ATP11B: variants seen among roughly 807,000 people sequenced by gnomAD.
ATP11B encodes the protein ATPase phospholipid transporting 11B (putative).
Under a neutral mutation model 157.8 loss-of-function variants are expected in ATP11B, and 81 were observed. The ratio of observed to expected loss-of-function variants is 0.51; its 90% CI spans 0.43 to 0.62. The LOEUF is 0.62. ATP11B is among the 20% of genes least tolerant of loss of function. ATP11B has a pLI of 0.00. For missense variants in ATP11B, 1,165 were observed against 1,402.2 expected, an observed-to-expected ratio of 0.83 and a Z score of 2.70; for synonymous variants, 451 against 469.4, an observed-to-expected ratio of 0.96 and a Z score of 0.51.
chr3:182,906,588 T>A (rs1004365181), intron 28 of ATP11B, among the ~76,000 whole-genome samples: 1 of 152,092 alleles, frequency 6.6e-6, no homozygotes, highest in Non-Finnish European at 1.5e-5. Flanking sequence ...TAGCTGGAAC[T>A]ACAGGTGCAT....
intron 14 of ATP11B, among the ~76,000 whole-genome samples, chr3:182,866,837 TGTAA>T (rs892671824): frequency 1.2e-4 from 14 of 118,312 alleles, no homozygotes; most frequent in South Asian, 3.1e-4. Flanking sequence ...TATAAAAATA[TGTAA>T]GTAATAAATA....
At chr3:182,804,455 G>A (rs1208576250) in intron 1 of ATP11B, among the ~76,000 whole-genome samples, 1 of 151,958 alleles carries the variant, frequency 6.6e-6, no homozygotes, top group Non-Finnish European at 1.5e-5. Context: ...CCATGGTCTT[G>A]ATCTCCTGGC....
rs1220616923 is a variant in ATP11B at position 182,913,923 on chromosome 3, A to G, written c.3381A>G (p.Glu1127=). 4 of 1,614,062 alleles carry G rather than the reference A, an allele frequency of 2.5e-6. No homozygotes were observed. The highest frequency in any genetic ancestry group is 2.5e-6 in the Non-Finnish European group (3 of 1,179,982). ...LDSMCCFPEG[E]AACASVGRML... is the part of the protein sequence containing the mutation. ...CCATGTGCTGTTTCCCGGAAGGAGA[A>G]GCAGCGTGTGCATCTGTTGGAAGAA... The change falls in exon 29 of 30, where the codon GAA becomes GAG. Residue 1127 remains glutamate (E), a synonymous_variant. Coordinates refer to ENST00000323116, the MANE Select transcript of ATP11B (RefSeq NM_014616.3).
At chr3:182,856,993 CAT>C (rs1284660913) in intron 10 of ATP11B, among the ~76,000 whole-genome samples, 6 of 152,146 alleles carry the variant, frequency 3.9e-5, no homozygotes, top group South Asian at 4.1e-4. Flanking sequence ...AACTTAAAGA[CAT>C]GTGGCATTAA....
At position 182,913,702 on chromosome 3, in the gene ATP11B, C is replaced by G. The variant is rs138150926; in HGVS notation, c.3319-159C>G. On this transcript the variant is annotated intron_variant, in intron 28 of 29. Transcript: ENST00000323116. ...TAAAATAATTTTGGATGGTTATACT[C>G]TAGTAAATTAAAGCCTTTCATATGT... Among the ~76,000 whole-genome samples the G allele has an allele frequency of 1.4e-4, 22 of 152,276 alleles. No individual in the cohort carries two copies. In the East Asian group the frequency reaches 3.9e-3, roughly 27 times the overall value.
intron 10 of ATP11B, among the ~76,000 whole-genome samples, chr3:182,854,224 C>T (rs1720197769): frequency 6.6e-6 from 1 of 152,164 alleles, no homozygotes; most frequent in South Asian, 2.1e-4. Context: ...AATCCCAGCA[C>T]TTTGGGAGGC....
chr3:182,866,498 C>A, intron 14 of ATP11B, 55 bp downstream of exon 14: 1 of 1,388,098 alleles, frequency 7.2e-7, no homozygotes. Flanking sequence ...ATAAATGTAA[C>A]AATATTAGAA....
At chr3:182,886,883 T>G (rs530559039) in intron 23 of ATP11B, among the ~76,000 whole-genome samples, 3 of 152,306 alleles carry the variant, frequency 2.0e-5, no homozygotes, top group African/African-American at 7.2e-5. Context: ...AAATATTTGC[T>G]TGGGCATTGA....
chr3:182,891,308 T>A (rs1008313159), intron 25 of ATP11B, among the ~76,000 whole-genome samples: 2 of 152,210 alleles, frequency 1.3e-5, no homozygotes, highest in Non-Finnish European at 2.9e-5. Context: ...CTTTTTTTAA[T>A]TTTTAAAAGT....
chr3:182,882,641 C>A (rs550154272), intron 21 of ATP11B, among the ~76,000 whole-genome samples: 1 of 151,852 alleles, frequency 6.6e-6, no homozygotes, highest in South Asian at 2.1e-4. Flanking sequence ...CTGTTATTTG[C>A]GGTATGGAAG....
intron 2 of ATP11B, 134 bp downstream of exon 2, chr3:182,820,510 C>G (rs1477816679): frequency 6.5e-6 from 4 of 618,792 alleles, no homozygotes; most frequent in Non-Finnish European, 8.5e-6. Flanking sequence ...ATAATGAGAC[C>G]TTGTCTCTGC....
chr3:182,844,424 A>G (rs1345167296), intron 8 of ATP11B: 3 of 327,372 alleles, frequency 9.2e-6, no homozygotes, highest in Non-Finnish European at 1.3e-5. Context: ...TCAGAAAACT[A>G]TAAGGAATAG....
chr3:182,843,815 A>G (rs560452863), intron 8 of ATP11B: 1 of 152,312 alleles, frequency 6.6e-6, no homozygotes, highest in Non-Finnish European at 1.5e-5. Context: ...AGAGTTGAGC[A>G]TTTTTTAATG....
chr3:182,892,241 A>G (rs73054651), intron 25 of ATP11B, among the ~76,000 whole-genome samples: 18,204 of 152,144 alleles, frequency 0.12, 1,217 homozygotes, highest in African/African-American at 0.18. Context: ...AGTTGAGCCC[A>G]CAGACGCCTT....
Position 182,887,589 on chromosome 3 carries a change from T to A in ATP11B, c.2719T>A (p.Leu907Met). ...TCCTACCAATTTCTCTTTCTAGACA[T>A]TGTATGACAGCGTGTACCTGACTTT... The part of the protein sequence containing the change: ...QFYCLFSQQT[L>M]YDSVYLTLYN... Residue 907 changes from leucine (L) to methionine (M), a missense_variant, in exon 24 of 30, where the codon TTG becomes ATG. By Grantham distance (15) the Leu-to-Met change is conservative. Around this residue, in one of 4 missense-constraint regions of ATP11B, gnomAD observed 737 missense variants for 930.5 expected, o/e 0.79. Coordinates refer to ENST00000323116, the MANE Select transcript of ATP11B (RefSeq NM_014616.3). 6.2e-7 allele frequency: 1 copy of A among 1,608,308 alleles called. No homozygotes were observed. The highest frequency in any genetic ancestry group is 8.5e-7 in the Non-Finnish European group (1 of 1,178,372).
chr3:182,833,230 T>C (rs1220441871), intron 4 of ATP11B, among the ~76,000 whole-genome samples: 1 of 152,176 alleles, frequency 6.6e-6, no homozygotes, highest in Non-Finnish European at 1.5e-5. Flanking sequence ...AGGTATCATA[T>C]AGGAAAAATA....
At chr3:182,893,134 G>A (rs570139386) in intron 25 of ATP11B, among the ~76,000 whole-genome samples, 4 of 152,270 alleles carry the variant, frequency 2.6e-5, no homozygotes, top group African/African-American at 9.6e-5. Context: ...AGAAGTCATA[G>A]ATTAGTAATT....
chr3:182,896,382 T>C (rs1468449518), intron 25 of ATP11B, among the ~76,000 whole-genome samples: 5 of 152,260 alleles, frequency 3.3e-5, no homozygotes. Context: ...CCATTTTTAC[T>C]GTGCAACAGC....
chr3:182,897,292 C>CT lies in ATP11B; in HGVS notation c.3049-3dup. ...GTTTATATTTCTAAGGATATAAAAA[C>CT]TTTTTTTTAGATGGCTCTGGAAACT... On this transcript the variant is annotated splice_polypyrimidine_tract_variant and intron_variant, in intron 26 of 29. Transcript: ENST00000323116. The CT allele has an allele frequency of 2.5e-5, 38 of 1,515,956 alleles. No individual in the cohort carries two copies. Among genetic ancestry groups the CT allele is most frequent in the South Asian group, 7.7e-5 (6 of 77,862 alleles). The allele number at this position is 1,515,956 out of a possible 1,614,324, so 93.9% of individuals were successfully genotyped here.
Sources: gnomAD v4.1 joint callset for allele counts (sites outside exome capture counted in the v4.1 genomes callset) on GRCh38, gnomAD v4.1.1 for gene constraint, gnomAD v4.1.1 regional missense constraint, MANE v1.5 for transcripts, NCBI Gene and HGNC (gene_info 2026-07-23, HGNC 2026-07-21) for gene names.